The following MYO7B variants were observed in gnomAD, a reference collection of about 807,000 sequenced individuals.
MYO7B encodes the protein unconventional myosin-VIIb.
MYO7B carries 212 observed loss-of-function variants against 259.7 expected under a neutral mutation model. That is an observed-to-expected ratio of 0.82 (90% CI 0.73 to 0.91). The LOEUF is 0.91. Among genes scored for constraint, MYO7B ranks in the 40% least tolerant of loss-of-function variants. The pLI, the probability that MYO7B is intolerant of heterozygous loss-of-function variation, is 0.00. For synonymous variants in MYO7B, 1,197 were observed against 1,166.4 expected (o/e 1.03, Z -0.54); for missense variants, 2,732 against 2,813.5 (o/e 0.97, Z 0.66).
intron 1 of MYO7B, among the ~76,000 whole-genome samples, chr2:127,540,798 G>A (rs1167974419): frequency 6.6e-6 from 1 of 152,208 alleles, no homozygotes; most frequent in East Asian, 1.9e-4. Context: ...TAAAATGAGG[G>A]AGGGTTTTTG....
At chr2:127,574,610 C>T (rs1320492186) in intron 7 of MYO7B, among the ~76,000 whole-genome samples, 1 of 152,216 alleles carries the variant, frequency 6.6e-6, no homozygotes, top group African/African-American at 2.4e-5. Flanking sequence ...CCTACCATTC[C>T]TCATCCCTAC....
chr2:127,631,742 C>T lies in MYO7B; in HGVS notation c.5238C>T (p.His1746=), dbSNP rs1681523589. The change falls in exon 38 of 48, where the codon CAC becomes CAT. Residue 1746 remains histidine (H), a synonymous_variant. Coordinates refer to ENST00000409816, the MANE Select transcript of MYO7B (RefSeq NM_001393586.1). The part of the protein sequence containing the change: ...VYCQILKQLT[H]NSNRHSEERG... ...GCCAGATCCTGAAGCAGCTGACGCA[C>T]AACTCCAACAGGTCTGCTGGGGCGG... 1.9e-6 allele frequency: 3 copies of T among 1,612,380 alleles called. No homozygotes were observed. The highest frequency in any genetic ancestry group is 3.3e-5 in the Admixed American group (2 of 59,954).
chr2:127,625,340 GC>G, intron 30 of MYO7B, 27 bp from the exon 31 acceptor site: 3 of 1,489,390 alleles, frequency 2.0e-6, no homozygotes, highest in South Asian at 1.3e-5. Flanking sequence ...TGTCTCACTC[GC>G]CCCCGTGGGT....
chr2:127,574,382 GA>G (rs567633566), intron 7 of MYO7B, among the ~76,000 whole-genome samples: 211 of 150,258 alleles, frequency 1.4e-3, no homozygotes, highest in African/African-American at 4.5e-3. Flanking sequence ...CAAAAAATAT[GA>G]AAAAAAAAAT....
Position 127,636,045 on chromosome 2 carries a change from A to G in MYO7B, c.6006+138A>G, listed in dbSNP as rs1573732778. 8.8e-7 allele frequency: 1 copy of G among 1,140,088 alleles called. No individual in the cohort carries two copies. The highest frequency in any genetic ancestry group is 2.6e-5 in the East Asian group (1 of 38,780). The allele number at this position is 1,140,088 out of a possible 1,614,324, so 70.6% of individuals were successfully genotyped here. ...TGGAGGGTGGGCTGGCTCTGCACACACCACGCCTTCCTATGCCATCCACAG... is the reference window on the plus strand; with the variant it reads ...TGGAGGGTGGGCTGGCTCTGCACACGCCACGCCTTCCTATGCCATCCACAG... On this transcript the variant is annotated intron_variant, in intron 44 of 47. Transcript: ENST00000409816. The surrounding 1 kb of genome is among the most constrained non-coding windows in gnomAD (Gnocchi z 4.5).
At chr2:127,620,777 G>T (rs1680806607) in intron 27 of MYO7B, among the ~76,000 whole-genome samples, 1 of 152,228 alleles carries the variant, frequency 6.6e-6, no homozygotes, top group Non-Finnish European at 1.5e-5. Context: ...GAAAAGACAG[G>T]TGTCCAGGAG....
intron 35 of MYO7B, among the ~76,000 whole-genome samples, 153 bp from the exon 36 acceptor site, chr2:127,630,625 C>T (rs962242290): frequency 1.1e-4 from 16 of 152,180 alleles, no homozygotes; most frequent in African/African-American, 3.4e-4. Context: ...CTGGGTCACA[C>T]GGCAGGTGAC....
intron 19 of MYO7B, among the ~76,000 whole-genome samples, 183 bp from the exon 20 acceptor site, chr2:127,605,661 A>G (rs1314545349): frequency 6.6e-6 from 1 of 152,190 alleles, no homozygotes; most frequent in Non-Finnish European, 1.5e-5. Context: ...CTGATAGTAG[A>G]TTTTTTGTTC....
intron 1 of MYO7B, among the ~76,000 whole-genome samples, chr2:127,537,551 G>A (rs1692832747): frequency 6.6e-6 from 1 of 152,180 alleles, no homozygotes. Flanking sequence ...GGGTAAAGGA[G>A]ACTGGGCATG....
In MYO7B at chr2:127,636,391, C is replaced by T. The variant is rs1477005099; in HGVS notation, c.6123+67C>T. ...TCCGCTCAGCCCAGCCCCAGCAGGC[C>T]CAGCGTCAACCAGCACACATCTTGG... On this transcript the variant is annotated intron_variant, in intron 45 of 47. Coordinates refer to ENST00000409816, the MANE Select transcript of MYO7B (RefSeq NM_001393586.1). The surrounding 1 kb of genome is among the most constrained non-coding windows in gnomAD (Gnocchi z 4.5). The T allele has an allele frequency of 6.7e-7, 1 of 1,485,008 alleles. No individual in the cohort carries two copies. Among genetic ancestry groups the T allele is most frequent in the Non-Finnish European group, 9.4e-7 (1 of 1,068,712 alleles). The allele number at this position is 1,485,008 out of a possible 1,614,324, so 92.0% of individuals were successfully genotyped here.
At chr2:127,565,782 C>T (rs183143033) in intron 4 of MYO7B, among the ~76,000 whole-genome samples, 1 of 152,196 alleles carries the variant, frequency 6.6e-6, no homozygotes, top group Admixed American at 6.5e-5. Context: ...ATTCACCAGA[C>T]GAGGGGGCCA....
In MYO7B at chr2:127,636,044, C is replaced by G. The variant is rs538695877; in HGVS notation, c.6006+137C>G. The G allele has an allele frequency of 5.6e-4, 646 of 1,150,204 alleles. 6 individuals carry two copies. In the South Asian group the frequency reaches 8.7e-3, roughly 15 times the overall value. 71.2% of individuals were successfully genotyped at this position (1,150,204 alleles called of 1,614,324 possible). A position where few individuals can be genotyped will look rare whatever the true frequency, so the allele number is the denominator to read the frequency against. On this transcript the variant is annotated intron_variant, in intron 44 of 47. Transcript: ENST00000409816. This position sits in a 1 kb window ranked among gnomAD's most constrained non-coding sequence, Gnocchi z 4.5. ...GTGGAGGGTGGGCTGGCTCTGCACA[C>G]ACCACGCCTTCCTATGCCATCCACA...
chr2:127,629,501 C>G (rs1681343216), intron 34 of MYO7B, 144 bp from the exon 35 acceptor site: 1 of 742,390 alleles, frequency 1.3e-6, no homozygotes, highest in Non-Finnish European at 2.1e-6. Flanking sequence ...AGGTTCCAGT[C>G]CCACCATCGC....
At chr2:127,622,206 C>A in intron 28 of MYO7B, 105 bp downstream of exon 28, 2 of 1,404,698 alleles carry the variant, frequency 1.4e-6, no homozygotes, top group Non-Finnish European at 1.9e-6. Context: ...GAACTTTGTC[C>A]TCTGAGCCCC....
rs767271612 is a variant in MYO7B at position 127,629,688 on chromosome 2, C to A, written c.4668C>A (p.Val1556=). 7.4e-6 allele frequency: 12 copies of A among 1,612,286 alleles called. No homozygotes were observed. The highest frequency in any genetic ancestry group is 3.3e-4 in the Middle Eastern group (2 of 6,076). ...LLAFKKGDLL[V]LTKKQGLLAS... ...CCTTCAAGAAGGGGGACCTGTTGGT[C>A]CTCACAAAGAAGCAGGGGCTGCTGG... The change falls in exon 35 of 48, where the codon GTC becomes GTA. Residue 1556 remains valine (V), a synonymous_variant. Transcript: ENST00000409816.
rs1017255662 is a variant in MYO7B, at chr2:127,614,760, T to G, written c.3398+2157T>G. Among the ~76,000 whole-genome samples the G allele has an allele frequency of 6.6e-6, 1 of 152,138 alleles. No individual in the cohort carries two copies. Among genetic ancestry groups the G allele is most frequent in the South Asian group, 2.1e-4 (1 of 4,824 alleles). On this transcript the variant is annotated intron_variant, in intron 26 of 47. Coordinates refer to ENST00000409816, the MANE Select transcript of MYO7B (RefSeq NM_001393586.1). This position sits in a 1 kb window ranked among gnomAD's most constrained non-coding sequence, Gnocchi z 4.6. ...ATCTCTCTATCCCCATGAAGTCCCTTCCAGGAATCACATTCCAAATTTCTT... is the reference window on the plus strand; with the variant it reads ...ATCTCTCTATCCCCATGAAGTCCCTGCCAGGAATCACATTCCAAATTTCTT...
At chr2:127,560,851 G>A (rs1678055526) in intron 2 of MYO7B, among the ~76,000 whole-genome samples, 2 of 152,214 alleles carry the variant, frequency 1.3e-5, no homozygotes, top group Non-Finnish European at 1.5e-5. Context: ...ACACTGCTGC[G>A]AGGAGGACCT....
Position 127,636,188 on chromosome 2 carries a change from C to G in MYO7B, c.6007-20C>G, listed in dbSNP as rs1318135095. 6.3e-7 allele frequency: 1 copy of G among 1,593,582 alleles called. No homozygotes were observed. Among genetic ancestry groups the G allele is most frequent in the Non-Finnish European group, 8.6e-7 (1 of 1,163,410 alleles). On this transcript the variant is annotated intron_variant, in intron 44 of 47. Coordinates refer to ENST00000409816, the MANE Select transcript of MYO7B (RefSeq NM_001393586.1). This position sits in a 1 kb window ranked among gnomAD's most constrained non-coding sequence, Gnocchi z 4.5. Reference sequence around the variant, plus strand: ...GGGCCTCTGGGCACCCAAGTCCTTACTGGCCCTCCTGTCCCCCAGAGCATC... The same window carrying G: ...GGGCCTCTGGGCACCCAAGTCCTTAGTGGCCCTCCTGTCCCCCAGAGCATC...
At position 127,630,888 on chromosome 2, in the gene MYO7B, G is replaced by A; in HGVS notation, c.4917G>A (p.Glu1639=). ...AGGAAAAGCTGCACACCCTGGAGGA[G>A]TTCTCCTATGAGTTCTTCAGGTGCC... ...PPKEKLHTLE[E]FSYEFFRAPE... is the part of the protein sequence containing the mutation. The change falls in exon 36 of 48, where the codon GAG becomes GAA. Residue 1639 remains glutamate (E), a synonymous_variant. Transcript: ENST00000409816. 1 of 1,592,834 alleles carries A rather than the reference G, an allele frequency of 6.3e-7. No homozygotes were observed. Among genetic ancestry groups the A allele is most frequent in the Non-Finnish European group, 8.5e-7 (1 of 1,169,838 alleles).
Sources: gnomAD v4.1 joint callset for allele counts (sites outside exome capture counted in the v4.1 genomes callset) on GRCh38, gnomAD v4.1.1 for gene constraint, Gnocchi (gnomAD v3.1) non-coding constraint, MANE v1.5 for transcripts, NCBI Gene and HGNC (gene_info 2026-07-23, HGNC 2026-07-21) for gene names.